The following LCLAT1 variants were observed in gnomAD, a reference collection of about 807,000 sequenced individuals.
The protein encoded by LCLAT1 is 1-AGP acyltransferase 8.
A neutral mutation model predicts 30.7 loss-of-function variants in LCLAT1; 11 were observed. The observed-to-expected ratio is 0.36, with a 90% CI of 0.23 to 0.59. The LOEUF is 0.59. LCLAT1 is among the 20% of genes least tolerant of loss of function. LCLAT1 has a pLI of 0.77. For synonymous variants in LCLAT1, 155 were observed against 151.3 expected, an observed-to-expected ratio of 1.02 and a Z score of -0.18; for missense variants, 402 against 458.6, an observed-to-expected ratio of 0.88 and a Z score of 1.13.
At chr2:30,573,531 C>T (rs1665873689) in intron 5 of LCLAT1, among the ~76,000 whole-genome samples, 1 of 152,104 alleles carries the variant, frequency 6.6e-6, no homozygotes, top group South Asian at 2.1e-4. Flanking sequence ...CTCCTGTCTC[C>T]CTAGTTGTAC....
intron 1 of LCLAT1, among the ~76,000 whole-genome samples, chr2:30,482,194 A>G (rs1487916172): frequency 2.0e-5 from 3 of 152,226 alleles, no homozygotes; most frequent in African/African-American, 7.2e-5. Context: ...TAGGGATTGC[A>G]TTTGGCAGTT....
At chr2:30,592,180 A>G (rs1266892154) in intron 5 of LCLAT1, among the ~76,000 whole-genome samples, 1 of 152,218 alleles carries the variant, frequency 6.6e-6, no homozygotes, top group East Asian at 1.9e-4. Context: ...CTGACAGAAC[A>G]TCAAAGAAAT....
At chr2:30,591,950 T>C (rs897825960) in intron 5 of LCLAT1, among the ~76,000 whole-genome samples, 19 of 152,192 alleles carry the variant, frequency 1.2e-4, no homozygotes, top group Admixed American at 3.3e-4. Context: ...TTTACACTGT[T>C]GTCCTCATCA....
intron 5 of LCLAT1, among the ~76,000 whole-genome samples, chr2:30,570,588 A>T (rs1665736896): frequency 1.3e-5 from 2 of 152,198 alleles, no homozygotes; most frequent in African/African-American, 2.4e-5. Flanking sequence ...CAGTTTGTCT[A>T]ACTGAATAGC....
At chr2:30,496,064 A>AAGGGGAAGCTGGATTGCCTT (rs1684094837) in intron 1 of LCLAT1, among the ~76,000 whole-genome samples, 1 of 152,096 alleles carries the variant, frequency 6.6e-6, no homozygotes, top group Admixed American at 6.6e-5. Context: ...GCAGAAGGCA[A>AAGGGGAAGCTGGATTGCCTT]AGGGGAAGCT....
At chr2:30,611,016 T>C (rs945742476) in intron 5 of LCLAT1, among the ~76,000 whole-genome samples, 13 of 151,788 alleles carry the variant, frequency 8.6e-5, no homozygotes, top group Non-Finnish European at 1.8e-4. Flanking sequence ...TCCTTGATCA[T>C]CTTTCCCCCA....
intron 5 of LCLAT1, among the ~76,000 whole-genome samples, chr2:30,638,863 T>TCTCCCACATCCAGTTGGCCAC (rs1192664329): frequency 8.8e-5 from 13 of 147,820 alleles, no homozygotes; most frequent in African/African-American, 1.3e-4. Flanking sequence ...GTCACATCCG[T>TCTCCCACATCCAGTTGGCCAC]TCTTCCTTGT....
At position 30,562,277 on chromosome 2, in the gene LCLAT1, G is replaced by C; in HGVS notation, c.496G>C (p.Gly166Arg). 1 of 1,609,674 alleles carries C rather than the reference G, an allele frequency of 6.2e-7. No homozygotes were observed. The highest frequency in any genetic ancestry group is 8.5e-7 in the Non-Finnish European group (1 of 1,176,988). The change falls in exon 4 of 6, where the codon GGG becomes CGG. Residue 166 changes from glycine (G) to arginine (R), a missense_variant. Coordinates refer to ENST00000379509, the MANE Select transcript of LCLAT1 (RefSeq NM_001002257.3). ...ACTTCAACTCCTCATATTCCCAGAA[G>C]GGACTGATCTCACAGGTAATGTAGC... ...EPLQLLIFPE[G>R]TDLTENSKSR...
At chr2:30,623,982 C>T (rs7565907) in intron 5 of LCLAT1, among the ~76,000 whole-genome samples, 86,431 of 151,928 alleles carry the variant, frequency 0.57, 24,905 homozygotes, top group Middle Eastern at 0.63. Flanking sequence ...AAAACAATTA[C>T]CAGCCAAGAA....
At chr2:30,616,520 T>C (rs1667999307) in intron 5 of LCLAT1, among the ~76,000 whole-genome samples, 1 of 152,192 alleles carries the variant, frequency 6.6e-6, no homozygotes, top group Non-Finnish European at 1.5e-5. Context: ...TTTCTTCTAA[T>C]ATTTTTATTG....
Position 30,643,859 on chromosome 2 carries a change from G to T in LCLAT1, c.*3240G>T, listed in dbSNP as rs1238771572. The T allele has an allele frequency of 2.0e-5, 3 of 152,718 alleles. No individual in the cohort carries two copies. Among genetic ancestry groups the T allele is most frequent in the South Asian group, 4.1e-4 (2 of 4,830 alleles). The allele number at this position is 152,718 out of a possible 1,614,324, so 9.5% of individuals were successfully genotyped here. A position where few individuals can be genotyped will look rare whatever the true frequency, so the allele number is the denominator to read the frequency against. ...CTCTTTTTGCTACTGAAAGGGAAATGGTCTCTAAACACTGGTCACTGTAGC... is the reference window on the plus strand; with the variant it reads ...CTCTTTTTGCTACTGAAAGGGAAATTGTCTCTAAACACTGGTCACTGTAGC... On this transcript the variant is annotated 3_prime_UTR_variant, in exon 6 of 6. Transcript: ENST00000379509.
chr2:30,488,434 T>G (rs565763303), intron 1 of LCLAT1, among the ~76,000 whole-genome samples: 29 of 152,378 alleles, frequency 1.9e-4, no homozygotes, highest in African/African-American at 5.3e-4. Context: ...ATTGAGATTG[T>G]GCTGACTTTG....
At chr2:30,638,713 C>T (rs967266870) in intron 5 of LCLAT1, among the ~76,000 whole-genome samples, 4 of 152,062 alleles carry the variant, frequency 2.6e-5, no homozygotes, top group African/African-American at 7.2e-5. Context: ...TCTCTATGGC[C>T]CCACCATCTA....
intron 1 of LCLAT1, among the ~76,000 whole-genome samples, chr2:30,466,709 A>ACT (rs60813326): frequency 0.13 from 19,199 of 152,088 alleles, 1,326 homozygotes; most frequent in South Asian, 0.23. Flanking sequence ...TCTACTTAAC[A>ACT]CTGGGTATAG....
At chr2:30,505,593 T>C (rs1032545938) in intron 1 of LCLAT1, among the ~76,000 whole-genome samples, 4 of 152,122 alleles carry the variant, frequency 2.6e-5, no homozygotes, top group African/African-American at 9.7e-5. Context: ...ATTTCAGTTT[T>C]AATAAAGTGA....
At chr2:30,466,870 G>T (rs1006633174) in intron 1 of LCLAT1, among the ~76,000 whole-genome samples, 1 of 152,096 alleles carries the variant, frequency 6.6e-6, no homozygotes, top group African/African-American at 2.4e-5. Flanking sequence ...AATCTTTAGG[G>T]TTGTTTGTTT....
intron 4 of LCLAT1, among the ~76,000 whole-genome samples, chr2:30,567,555 G>A (rs1665546191): frequency 6.6e-6 from 1 of 152,034 alleles, no homozygotes; most frequent in South Asian, 2.1e-4. Context: ...CTCCCACTTG[G>A]GGGAGTCATG....
At chr2:30,496,504 C>T (rs1213341298) in intron 1 of LCLAT1, among the ~76,000 whole-genome samples, 1 of 152,166 alleles carries the variant, frequency 6.6e-6, no homozygotes, top group African/African-American at 2.4e-5. Flanking sequence ...TCAGAGATAT[C>T]TCCAGTGCTT....
intron 5 of LCLAT1, among the ~76,000 whole-genome samples, chr2:30,585,281 C>T (rs916175880): frequency 6.0e-5 from 9 of 149,840 alleles, no homozygotes; most frequent in East Asian, 2.0e-4. Context: ...AAAAAAATAC[C>T]GAGTCAAAAA....
Sources: allele counts gnomAD v4.1 joint callset (sites outside exome capture counted in the v4.1 genomes callset), GRCh38; gene constraint gnomAD v4.1.1; transcripts MANE v1.5; gene names NCBI Gene and HGNC (gene_info 2026-07-23, HGNC 2026-07-21).